Variants in PRPF18 observed in about 807,000 individuals in gnomAD.
PRPF18 encodes pre-mRNA processing factor 18.
In PRPF18, 38 loss-of-function variants were observed where a neutral mutation model predicts 46.5. The observed-to-expected ratio is 0.82, with a 90% confidence interval of 0.63 to 1.07. The LOEUF is 1.07. PRPF18 is among the 50% of genes least tolerant of loss of function. PRPF18 has a pLI of 0.00. For missense variants in PRPF18, 263 were observed against 410.0 expected (o/e 0.64, Z 3.10); for synonymous variants, 152 against 146.7 (o/e 1.04, Z -0.26).
intron 9 of PRPF18, among the ~76,000 whole-genome samples, chr10:13,629,504 C>T (rs1453942653): frequency 6.6e-6 from 1 of 152,176 alleles, no homozygotes; most frequent in Non-Finnish European, 1.5e-5. Flanking sequence ...CAATATTGTC[C>T]TTCCATACTC....
chr10:13,599,617 G>C (rs1189334788), intron 2 of PRPF18, among the ~76,000 whole-genome samples: 1 of 152,192 alleles, frequency 6.6e-6, no homozygotes, highest in Non-Finnish European at 1.5e-5. Context: ...AATGCCCACT[G>C]TTTTCCTGGG....
rs1328628975 is a variant in PRPF18 at position 13,611,609 on chromosome 10, C to T, written c.511-6C>T. The T allele has an allele frequency of 6.2e-7, 1 of 1,612,128 alleles. No individual in the cohort carries two copies. Among genetic ancestry groups the T allele is most frequent in the African/African-American group, 1.3e-5 (1 of 74,788 alleles). On this transcript the variant is annotated splice_polypyrimidine_tract_variant and splice_region_variant and intron_variant, in intron 5 of 9. Transcript: ENST00000378572. ...ATGAACAGAAGCATTGTTTCTTTTT[C>T]TTCAGGCGCTTGGAGAGTCCTTAGG...
chr10:13,591,489 G>A (rs990726320), intron 1 of PRPF18: 2 of 656,194 alleles, frequency 3.0e-6, no homozygotes, highest in Non-Finnish European at 5.5e-6. Flanking sequence ...TAAATTCCAT[G>A]AGTCGGGGCA....
chr10:13,595,824 A>C (rs2080028070), intron 1 of PRPF18, among the ~76,000 whole-genome samples: 1 of 152,132 alleles, frequency 6.6e-6, no homozygotes, highest in Admixed American at 6.5e-5. Flanking sequence ...TTTTAGAAAA[A>C]CCTTATTCTG....
At chr10:13,628,891 G>A (rs1226197525) in intron 9 of PRPF18, among the ~76,000 whole-genome samples, 4 of 152,198 alleles carry the variant, frequency 2.6e-5, no homozygotes, top group African/African-American at 7.2e-5. Flanking sequence ...CAATCGTGGT[G>A]TGTCTCAGGT....
In PRPF18 at chr10:13,607,337, T is replaced by G. The variant is rs368203630; in HGVS notation, c.363+1593T>G. ...AAGTTCTTTGTCAGATATACGAATA[T>G]TTTTTGTGACTATTTTCTTGTAGTT... is the stretch of plus-strand genomic sequence containing the variant. On this transcript the variant is annotated intron_variant, in intron 4 of 9. Transcript: ENST00000378572. 2.0e-5 allele frequency among the ~76,000 whole-genome samples: 3 copies of G among 152,352 alleles called. No individual in the cohort carries two copies. In the East Asian group the frequency reaches 5.8e-4, roughly 29 times the overall value.
At chr10:13,638,953 A>G in the PRPF18 span, 1 of 152,318 alleles carries the variant, frequency 6.6e-6, no homozygotes, top group East Asian at 1.9e-4. Context: ...TATTCTGCTG[A>G]ACTCAGTCCC....
intron 1 of PRPF18, among the ~76,000 whole-genome samples, chr10:13,587,568 A>C (rs1411500320): frequency 1.3e-5 from 2 of 152,232 alleles, no homozygotes; most frequent in Non-Finnish European, 2.9e-5. Flanking sequence ...TGGGAAGGGA[A>C]CGTGCCCTGC....
At chr10:13,606,552 T>C (rs1444953995) in intron 4 of PRPF18, among the ~76,000 whole-genome samples, 1 of 151,970 alleles carries the variant, frequency 6.6e-6, no homozygotes, top group Non-Finnish European at 1.5e-5. Flanking sequence ...CTGGCCAACA[T>C]GGTGAAACCC....
intron 4 of PRPF18, among the ~76,000 whole-genome samples, chr10:13,608,703 C>T (rs1026439415): frequency 1.4e-4 from 22 of 152,122 alleles, no homozygotes; most frequent in Admixed American, 1.2e-3. Context: ...TACTGTTTTT[C>T]GCTATTATTA....
At chr10:13,618,753 C>T (rs910864022) in intron 9 of PRPF18, among the ~76,000 whole-genome samples, 19 of 152,072 alleles carry the variant, frequency 1.2e-4, no homozygotes, top group Admixed American at 7.2e-4. Flanking sequence ...TATTGTACCC[C>T]TAGAATCTAG....
intron 9 of PRPF18, among the ~76,000 whole-genome samples, chr10:13,617,022 T>A (rs1185067559): frequency 6.6e-6 from 1 of 152,234 alleles, no homozygotes; most frequent in Non-Finnish European, 1.5e-5. Context: ...CAACACTTCT[T>A]TAGTCATGTG....
intron 9 of PRPF18, among the ~76,000 whole-genome samples, chr10:13,623,206 AAG>A (rs2080445613): frequency 6.6e-6 from 1 of 151,960 alleles, no homozygotes; most frequent in Admixed American, 6.5e-5. Flanking sequence ...GTCTCAAAAA[AAG>A]AAAAAAAAAA....
intron 6 of PRPF18, 115 bp downstream of exon 6, chr10:13,611,798 C>T (rs2080272632): frequency 7.6e-6 from 6 of 790,476 alleles, no homozygotes; most frequent in Non-Finnish European, 2.1e-6. Flanking sequence ...ACACATTTCT[C>T]ACACATACAT....
At chr10:13,635,271 A>G (rs747849526), downstream of PRPF18, among the ~76,000 whole-genome samples, 16 of 152,214 alleles carry the variant, frequency 1.1e-4, no homozygotes, top group Non-Finnish European at 1.9e-4. Flanking sequence ...TATATGTACC[A>G]CATTTTCTTT....
At chr10:13,600,439 T>C (rs2080089509) in intron 3 of PRPF18, 91 bp downstream of exon 3, 1 of 940,484 alleles carries the variant, frequency 1.1e-6, no homozygotes, top group African/African-American at 1.7e-5. Context: ...ACGTCATTAT[T>C]TCCTGCGTAA....
At chr10:13,653,466 G>C in the PRPF18 span, 1 of 152,298 alleles carries the variant, frequency 6.6e-6, no homozygotes, top group Non-Finnish European at 1.5e-5. Context: ...CACCACTGCA[G>C]TCTGGGCAAC....
chr10:13,651,785 A>C, the PRPF18 span: 9 of 682,306 alleles, frequency 1.3e-5, no homozygotes, highest in Non-Finnish European at 2.4e-5. Flanking sequence ...TGTATCTAGA[A>C]ATAAGGCATA....
intron 4 of PRPF18, among the ~76,000 whole-genome samples, chr10:13,606,705 A>T (rs1030661812): frequency 1.0e-4 from 13 of 128,428 alleles, no homozygotes; most frequent in Non-Finnish European, 1.7e-4. Context: ...ACTGCACTCC[A>T]GCCTGGCGAC....
Sources: allele counts gnomAD v4.1 joint callset (sites outside exome capture counted in the v4.1 genomes callset), GRCh38; gene constraint gnomAD v4.1.1; transcripts MANE v1.5; gene names NCBI Gene and HGNC (gene_info 2026-07-23, HGNC 2026-07-21).